Variants in CEP112 observed in about 807,000 individuals in gnomAD.
CEP112 encodes centrosomal protein 112.
CEP112 carries 127 observed loss-of-function variants against 153.0 expected under a neutral mutation model. The ratio of observed to expected loss-of-function variants is 0.83; its 90% CI spans 0.72 to 0.96. The LOEUF (loss-of-function observed/expected upper bound fraction) is 0.96, where lower values mean the gene tolerates loss of function less well. Ranked by LOEUF, CEP112 falls within the 40% of genes least tolerant of loss-of-function variation. CEP112 has a pLI of 0.00. For synonymous variants in CEP112, 358 were observed against 374.4 expected (o/e 0.96, Z 0.51); for missense variants, 1,089 against 1,101.2 (o/e 0.99, Z 0.16).
At chr17:65,871,921 C>T (rs2058682602) in intron 20 of CEP112, among the ~76,000 whole-genome samples, 1 of 152,172 alleles carries the variant, frequency 6.6e-6, no homozygotes, top group African/African-American at 2.4e-5. Context: ...TTTACATCAA[C>T]GAAGCAACCC....
At chr17:66,057,233 G>A (rs1366804145) in intron 11 of CEP112, among the ~76,000 whole-genome samples, 1 of 152,178 alleles carries the variant, frequency 6.6e-6, no homozygotes, top group Non-Finnish European at 1.5e-5. Flanking sequence ...GGGGTCTCCT[G>A]AACTAAGGAA....
At chr17:66,184,533 A>G (rs142042433) in intron 1 of CEP112, among the ~76,000 whole-genome samples, 2 of 152,348 alleles carry the variant, frequency 1.3e-5, no homozygotes, top group African/African-American at 4.8e-5. Flanking sequence ...GCTCAATATC[A>G]TTACAGAAAT....
rs1462554011 is a variant in CEP112, at chr17:65,644,523, A to C, written c.2698-3458T>G. ...CAGGTTAATTTGGACAAAGCACAGC[A>C]GAACAATATGGAACACAAGGTCAAA... On this transcript the variant is annotated intron_variant, in intron 24 of 26. Coordinates refer to ENST00000535342, the MANE Select transcript of CEP112 (RefSeq NM_001199165.4). The C allele has an allele frequency of 5.4e-5, 15 of 279,242 alleles. No homozygotes were observed. In the Admixed American group the frequency reaches 6.1e-4, roughly 11 times the overall value. The allele number at this position is 279,242 out of a possible 1,614,324, so 17.3% of individuals were successfully genotyped here. A position where few individuals can be genotyped will look rare whatever the true frequency, so the allele number is the denominator to read the frequency against.
chr17:65,921,635 T>A (rs2060731251), intron 19 of CEP112, among the ~76,000 whole-genome samples: 1 of 152,164 alleles, frequency 6.6e-6, no homozygotes, highest in Admixed American at 6.6e-5. Flanking sequence ...CCACCTGAGG[T>A]ACGCTTGTGT....
At chr17:66,147,279 A>C (rs1215619841) in intron 4 of CEP112, among the ~76,000 whole-genome samples, 1 of 151,920 alleles carries the variant, frequency 6.6e-6, no homozygotes, top group Non-Finnish European at 1.5e-5. Context: ...TCATGTGCTT[A>C]TTGGCCATTT....
At chr17:65,636,723 T>G (rs2044790722) in intron 26 of CEP112, 1 of 168,876 alleles carries the variant, frequency 5.9e-6, no homozygotes, top group African/African-American at 2.4e-5. Flanking sequence ...GCAATTCTCC[T>G]GCCTCAGCCT....
chr17:66,085,591 G>T (rs1234631746), intron 8 of CEP112, among the ~76,000 whole-genome samples: 5 of 152,138 alleles, frequency 3.3e-5, no homozygotes, highest in Non-Finnish European at 5.9e-5. Context: ...AAAACATGAT[G>T]TATCAGTAAA....
At chr17:65,657,886 A>G (rs1241463352) in intron 24 of CEP112, among the ~76,000 whole-genome samples, 6 of 152,216 alleles carry the variant, frequency 3.9e-5, no homozygotes, top group Non-Finnish European at 8.8e-5. Flanking sequence ...TATTGTTTTA[A>G]TGAGTAAAAG....
At chr17:66,156,311 A>G (rs774915734) in intron 4 of CEP112, among the ~76,000 whole-genome samples, 1 of 152,170 alleles carries the variant, frequency 6.6e-6, no homozygotes, top group Non-Finnish European at 1.5e-5. Flanking sequence ...AAGGAAAACT[A>G]ACAAATAGAA....
intron 6 of CEP112, among the ~76,000 whole-genome samples, chr17:66,127,613 T>C (rs763641827): frequency 1.8e-4 from 28 of 152,074 alleles, no homozygotes; most frequent in Non-Finnish European, 4.0e-4. Context: ...CCTCCCTTAC[T>C]CTGCTCTCCA....
chr17:65,694,261 G>A (rs1333193731), intron 23 of CEP112, among the ~76,000 whole-genome samples: 1 of 152,174 alleles, frequency 6.6e-6, no homozygotes, highest in Non-Finnish European at 1.5e-5. Flanking sequence ...AAGAAATCTG[G>A]TGGAAGTCCA....
chr17:66,183,552 G>GGA (rs142969569), intron 1 of CEP112, among the ~76,000 whole-genome samples: 5,190 of 152,168 alleles, frequency 0.034, 132 homozygotes, highest in Middle Eastern at 0.061. Flanking sequence ...GTACAAAGTT[G>GGA]GAGAACTCAC....
intron 23 of CEP112, among the ~76,000 whole-genome samples, chr17:65,695,447 G>T (rs2048309585): frequency 6.6e-6 from 1 of 152,204 alleles, no homozygotes; most frequent in South Asian, 2.1e-4. Context: ...ACATAATTCA[G>T]CTCAAGCCAC....
intron 20 of CEP112, among the ~76,000 whole-genome samples, chr17:65,880,309 A>G (rs2059013982): frequency 6.6e-6 from 1 of 152,202 alleles, no homozygotes; most frequent in East Asian, 1.9e-4. Context: ...CTATGGAGAC[A>G]GGGACTTCTT....
chr17:66,149,715 T>C (rs1264222706), intron 4 of CEP112, among the ~76,000 whole-genome samples: 1 of 151,988 alleles, frequency 6.6e-6, no homozygotes, highest in East Asian at 1.9e-4. Context: ...ACCCATGTAG[T>C]TAAAAGTTTG....
chr17:65,973,677 A>G (rs1171249907), intron 17 of CEP112, among the ~76,000 whole-genome samples: 1 of 152,170 alleles, frequency 6.6e-6, no homozygotes, highest in Non-Finnish European at 1.5e-5. Flanking sequence ...AAAATTCTGG[A>G]AATTGAAATA....
chr17:65,806,583 T>C (rs2055615380), intron 21 of CEP112, among the ~76,000 whole-genome samples: 1 of 152,176 alleles, frequency 6.6e-6, no homozygotes, highest in Admixed American at 6.5e-5. Context: ...GGTGACTGAA[T>C]CATGGGGGTG....
At chr17:65,726,303 C>T (rs1354150532) in intron 23 of CEP112, among the ~76,000 whole-genome samples, 6 of 151,776 alleles carry the variant, frequency 4.0e-5, no homozygotes, top group East Asian at 1.9e-4. Context: ...TGCACCATTG[C>T]ACTCTAGCAT....
At chr17:66,131,717 A>C (rs1216718080) in intron 5 of CEP112, among the ~76,000 whole-genome samples, 1 of 151,952 alleles carries the variant, frequency 6.6e-6, no homozygotes, top group Non-Finnish European at 1.5e-5. Flanking sequence ...ACTGCACTCC[A>C]GCCTGGGCGA....
Sources: allele counts gnomAD v4.1 joint callset (sites outside exome capture counted in the v4.1 genomes callset), GRCh38; gene constraint gnomAD v4.1.1; transcripts MANE v1.5; gene names NCBI Gene and HGNC (gene_info 2026-07-23, HGNC 2026-07-21).